The following STK3 variants were observed in gnomAD, a reference collection of about 807,000 sequenced individuals.
STK3 encodes serine/threonine kinase 3, also known as serine/threonine-protein kinase 3.
In STK3, 41 loss-of-function variants were observed where a neutral mutation model predicts 58.0. That is an observed-to-expected ratio of 0.71 (90% CI 0.55 to 0.92). STK3 has a LOEUF of 0.92. Ranked by LOEUF, STK3 falls within the 40% of genes least tolerant of loss-of-function variation. STK3 has a pLI of 0.00. For synonymous variants in STK3, 170 were observed against 191.0 expected, an observed-to-expected ratio of 0.89 and a Z score of 0.91; for missense variants, 479 against 602.7, an observed-to-expected ratio of 0.79 and a Z score of 2.15.
chr8:98,922,325 G>T (rs534234266), intron 1 of STK3, among the ~76,000 whole-genome samples: 1 of 152,220 alleles, frequency 6.6e-6, no homozygotes, highest in South Asian at 2.1e-4. Flanking sequence ...AAATATTCTG[G>T]GTTATTGGGC....
chr8:98,370,270 C>T (rs1482577698), downstream of STK3, among the ~76,000 whole-genome samples: 1 of 151,174 alleles, frequency 6.6e-6, no homozygotes, highest in African/African-American at 2.4e-5. Flanking sequence ...GGACCAGGAA[C>T]TTTCATTCTT....
At chr8:98,733,327 T>A (rs984262983) in intron 4 of STK3, among the ~76,000 whole-genome samples, 1 of 152,108 alleles carries the variant, frequency 6.6e-6, no homozygotes, top group Non-Finnish European at 1.5e-5. Flanking sequence ...CGTTGGGAAC[T>A]GGGCCACATA....
intron 1 of STK3, among the ~76,000 whole-genome samples, chr8:98,790,785 T>C (rs1832755571): frequency 1.3e-5 from 2 of 151,756 alleles, no homozygotes; most frequent in Non-Finnish European, 2.9e-5. Context: ...GAGTTCGAGA[T>C]CAGCCTGGCC....
chr8:98,369,850 G>C (rs951161522), downstream of STK3, among the ~76,000 whole-genome samples: 3 of 152,142 alleles, frequency 2.0e-5, no homozygotes, highest in African/African-American at 7.2e-5. Context: ...TTTCTAGGGA[G>C]AGCAGGGCAA....
intron 7 of STK3, among the ~76,000 whole-genome samples, chr8:98,581,554 G>A (rs945825866): frequency 6.6e-6 from 1 of 151,764 alleles, no homozygotes. Flanking sequence ...GCTGGTGACC[G>A]GGGTAGGCCA....
At chr8:98,878,147 G>T (rs1056676213) in intron 3 of STK3, among the ~76,000 whole-genome samples, 1 of 151,142 alleles carries the variant, frequency 6.6e-6, no homozygotes, top group African/African-American at 2.4e-5. Flanking sequence ...CTGCCTCCCA[G>T]GCTCAAGCAA....
intron 8 of STK3, among the ~76,000 whole-genome samples, chr8:98,576,826 G>C (rs1482691287): frequency 6.6e-6 from 1 of 152,098 alleles, no homozygotes; most frequent in Non-Finnish European, 1.5e-5. Flanking sequence ...AGCTCATGGG[G>C]GGCTGAAACA....
chr8:98,773,094 C>T, intron 2 of STK3, among the ~76,000 whole-genome samples: 1 of 152,060 alleles, frequency 6.6e-6, no homozygotes, highest in South Asian at 2.1e-4. Context: ...CATACAGGTA[C>T]TTTATATATT....
intron 1 of STK3, among the ~76,000 whole-genome samples, chr8:98,922,232 T>G (rs1274705241): frequency 6.6e-6 from 1 of 152,226 alleles, no homozygotes; most frequent in Non-Finnish European, 1.5e-5. Context: ...AGCCAGACAC[T>G]GTGACAGTCA....
intron 10 of STK3, among the ~76,000 whole-genome samples, chr8:98,506,259 A>G (rs1179733095): frequency 6.6e-6 from 1 of 152,174 alleles, no homozygotes; most frequent in Non-Finnish European, 1.5e-5. Flanking sequence ...CTGGAAAATC[A>G]CAGTATTTAG....
intron 6 of STK3, among the ~76,000 whole-genome samples, chr8:98,695,944 T>C (rs989827481): frequency 5.4e-4 from 82 of 152,234 alleles, no homozygotes; most frequent in African/African-American, 1.7e-3. Context: ...AATCTATAAA[T>C]TACCTTGGGC....
intron 6 of STK3, among the ~76,000 whole-genome samples, chr8:98,693,058 C>A (rs1824528264): frequency 6.6e-6 from 1 of 151,966 alleles, no homozygotes; most frequent in Non-Finnish European, 1.5e-5. Context: ...GACAAGTGCC[C>A]TTATAAGAGA....
At chr8:98,649,153 T>A (rs1166831487) in intron 6 of STK3, among the ~76,000 whole-genome samples, 1 of 152,176 alleles carries the variant, frequency 6.6e-6, no homozygotes, top group African/African-American at 2.4e-5. Flanking sequence ...GGGATTTGCA[T>A]TTCTGTCAAC....
intron 2 of STK3, among the ~76,000 whole-genome samples, chr8:98,374,552 A>G (rs1817652968): frequency 1.3e-5 from 2 of 152,240 alleles, no homozygotes; most frequent in Admixed American, 6.5e-5. Context: ...GTACCTGGCT[A>G]AACACTTTAG....
In STK3 at chr8:98,429,415, C is replaced by T. The variant is rs112282253; in HGVS notation, n.483+4712G>A. The T allele has an allele frequency of 3.3e-5, 52 of 1,593,464 alleles. No homozygotes were observed. The African/African-American group carries it at 4.0e-4, about 12-fold the overall frequency. ...AGTTTAAATGATTCCCTACGTTAGCCGGGAGGACTTGTCACCCTCCACCCC... is the reference window on the plus strand; with the variant it reads ...AGTTTAAATGATTCCCTACGTTAGCTGGGAGGACTTGTCACCCTCCACCCC... On this transcript the variant is annotated intron_variant and non_coding_transcript_variant, in intron 3 of 3. Transcript: ENST00000517832.
At chr8:98,471,593 T>C (rs980349292) in intron 10 of STK3, among the ~76,000 whole-genome samples, 1 of 152,202 alleles carries the variant, frequency 6.6e-6, no homozygotes, top group African/African-American at 2.4e-5. Context: ...TATTGAATAC[T>C]GTACTGAACG....
At chr8:98,761,781 A>C (rs1268195606) in intron 3 of STK3, among the ~76,000 whole-genome samples, 3 of 152,248 alleles carry the variant, frequency 2.0e-5, no homozygotes, top group Non-Finnish European at 2.9e-5. Context: ...GCCAAAGTTC[A>C]TCAATAATCC....
chr8:98,354,465 A>G, the STK3 span, among the ~76,000 whole-genome samples: 1,232 of 152,344 alleles, frequency 8.1e-3, 17 homozygotes, highest in Non-Finnish European at 9.2e-3. Flanking sequence ...GTTTAAAGGG[A>G]AGGCAGAGCA....
intron 3 of STK3, among the ~76,000 whole-genome samples, chr8:98,844,761 G>A (rs555092183): frequency 8.5e-5 from 13 of 152,190 alleles, no homozygotes; most frequent in East Asian, 3.9e-4. Flanking sequence ...CACTGTGCCC[G>A]GCCCAAACAC....
Sources: gnomAD v4.1 joint callset for allele counts (sites outside exome capture counted in the v4.1 genomes callset) on GRCh38, gnomAD v4.1.1 for gene constraint, MANE v1.5 for transcripts, NCBI Gene and HGNC (gene_info 2026-07-23, HGNC 2026-07-21) for gene names.